XRCC5: variants seen among roughly 807,000 people sequenced by gnomAD.
XRCC5 encodes the protein X-ray repair cross complementing 5.
A neutral mutation model predicts 95.7 loss-of-function variants in XRCC5; 12 were observed. That is an observed-to-expected ratio of 0.13 (90% CI 0.08 to 0.20). The LOEUF is 0.20. XRCC5 is among the 10% of genes least tolerant of loss of function. The probability of loss-of-function intolerance (pLI) is 1.00; values close to 1 mark genes in which losing one functional copy is unlikely to be tolerated. For synonymous variants in XRCC5, 281 were observed against 290.3 expected, an observed-to-expected ratio of 0.97 and a Z score of 0.33; for missense variants, 595 against 873.9, an observed-to-expected ratio of 0.68 and a Z score of 4.02.
intron 16 of XRCC5, among the ~76,000 whole-genome samples, chr2:216,168,675 G>A (rs1227024489): frequency 6.6e-6 from 1 of 152,140 alleles, no homozygotes; most frequent in Admixed American, 6.5e-5. Flanking sequence ...AAGCATGTTT[G>A]CTGTAGTTAC....
intron 12 of XRCC5, among the ~76,000 whole-genome samples, chr2:216,140,529 G>C (rs1226229906): frequency 6.6e-6 from 1 of 152,146 alleles, no homozygotes; most frequent in Non-Finnish European, 1.5e-5. Context: ...TTAGTATTAG[G>C]AGAGACCTAA....
At chr2:216,180,272 A>G (rs1689359260) in intron 16 of XRCC5, among the ~76,000 whole-genome samples, 1 of 152,218 alleles carries the variant, frequency 6.6e-6, no homozygotes, top group African/African-American at 2.4e-5. Context: ...CAGCAAAGGC[A>G]ATAGGATGGA....
chr2:216,173,407 G>T (rs1419026733), intron 16 of XRCC5, among the ~76,000 whole-genome samples: 1 of 151,990 alleles, frequency 6.6e-6, no homozygotes, highest in Non-Finnish European at 1.5e-5. Flanking sequence ...TTTCTAATTG[G>T]TTGAAAGTTT....
At chr2:216,204,057 C>G (rs1052526851) in intron 19 of XRCC5, 2 of 460,496 alleles carry the variant, frequency 4.3e-6, no homozygotes, top group Non-Finnish European at 8.1e-6. Context: ...CACACTGTCT[C>G]GACAAGCCAT....
At chr2:216,200,004 T>C (rs1165794173) in intron 19 of XRCC5, among the ~76,000 whole-genome samples, 2 of 152,096 alleles carry the variant, frequency 1.3e-5, no homozygotes. Context: ...CATTCATAGA[T>C]AGCAATTGGC....
intron 15 of XRCC5, 99 bp downstream of exon 15, chr2:216,160,260 A>G: frequency 1.4e-6 from 1 of 715,498 alleles, no homozygotes; most frequent in Non-Finnish European, 2.2e-6. Flanking sequence ...ACCACTTTCA[A>G]GTTAAGATCA....
chr2:216,190,645 T>C (rs1053306019), intron 17 of XRCC5, among the ~76,000 whole-genome samples: 1 of 152,158 alleles, frequency 6.6e-6, no homozygotes, highest in Admixed American at 6.5e-5. Context: ...TAACCTCTGG[T>C]GGCCCACTCA....
At chr2:216,196,179 A>C (rs1689715358) in intron 19 of XRCC5, among the ~76,000 whole-genome samples, 1 of 152,066 alleles carries the variant, frequency 6.6e-6, no homozygotes, top group African/African-American at 2.4e-5. Context: ...AATTTACAAG[A>C]ATTTTTATTA....
intron 4 of XRCC5, 102 bp downstream of exon 4, chr2:216,117,896 A>G (rs913594517): frequency 4.1e-6 from 5 of 1,215,396 alleles, no homozygotes; most frequent in African/African-American, 1.5e-5. Context: ...ATCAAGCTGC[A>G]TGTTTGTGTG....
chr2:216,200,996 A>AT (rs1689824584), intron 19 of XRCC5, among the ~76,000 whole-genome samples: 1 of 152,166 alleles, frequency 6.6e-6, no homozygotes, highest in South Asian at 2.1e-4. Flanking sequence ...ACCATAATGA[A>AT]TTTTTTCATA....
At chr2:216,140,474 T>G (rs572065743) in intron 12 of XRCC5, among the ~76,000 whole-genome samples, 11 of 152,206 alleles carry the variant, frequency 7.2e-5, no homozygotes, top group Non-Finnish European at 1.6e-4. Flanking sequence ...GCTGTACCAT[T>G]TTTATTGACT....
chr2:216,170,472 T>C (rs1166200525), intron 16 of XRCC5, among the ~76,000 whole-genome samples: 2 of 147,196 alleles, frequency 1.4e-5, no homozygotes, highest in South Asian at 2.2e-4. Flanking sequence ...TCACTCCTGA[T>C]ACCAGTCTTC....
At chr2:216,164,591 C>T (rs118033422) in intron 16 of XRCC5, among the ~76,000 whole-genome samples, 4 of 152,124 alleles carry the variant, frequency 2.6e-5, no homozygotes, top group Non-Finnish European at 5.9e-5. Flanking sequence ...TTGGCTAGTC[C>T]AGAGGCTTCG....
At chr2:216,203,471 T>A (rs1021949569) in intron 19 of XRCC5, among the ~76,000 whole-genome samples, 1 of 152,102 alleles carries the variant, frequency 6.6e-6, no homozygotes, top group Non-Finnish European at 1.5e-5. Flanking sequence ...AGGAAAAGGC[T>A]CCCCACTGCT....
chr2:216,113,182 C>G, intron 2 of XRCC5, 53 bp downstream of exon 2: 2 of 1,448,946 alleles, frequency 1.4e-6, no homozygotes, highest in Non-Finnish European at 1.9e-6. Flanking sequence ...CTGCTTGTTG[C>G]CTCTACCTAC....
intron 10 of XRCC5, 34 bp downstream of exon 10, chr2:216,132,421 C>G: frequency 2.5e-6 from 4 of 1,606,156 alleles, no homozygotes; most frequent in Non-Finnish European, 3.4e-6. Flanking sequence ...GGTAGTGCTA[C>G]AGAATTGAAT....
intron 6 of XRCC5, among the ~76,000 whole-genome samples, chr2:216,125,454 C>T (rs1696886452): frequency 6.6e-6 from 1 of 152,186 alleles, no homozygotes; most frequent in Non-Finnish European, 1.5e-5. Flanking sequence ...GCCTTGGCCT[C>T]CCAAAGTGCT....
chr2:216,120,072 C>CG (rs574698299), intron 5 of XRCC5, among the ~76,000 whole-genome samples: 23 of 151,746 alleles, frequency 1.5e-4, no homozygotes, highest in Middle Eastern at 3.4e-3. Flanking sequence ...TGTGAGTAGT[C>CG]TTCTCTTAAG....
intron 2 of XRCC5, among the ~76,000 whole-genome samples, chr2:216,113,361 A>G (rs541782919): frequency 6.6e-5 from 10 of 152,316 alleles, no homozygotes; most frequent in African/African-American, 2.4e-4. Flanking sequence ...TATCGGAAAC[A>G]AGAGGCAGTA....
Sources: gnomAD v4.1 joint callset for allele counts (sites outside exome capture counted in the v4.1 genomes callset) on GRCh38, gnomAD v4.1.1 for gene constraint, MANE v1.5 for transcripts, NCBI Gene and HGNC (gene_info 2026-07-23, HGNC 2026-07-21) for gene names.